The following RHOA variants were observed in gnomAD, a reference collection of about 807,000 sequenced individuals.
The protein encoded by RHOA is transforming protein RhoA.
A neutral mutation model predicts 17.5 loss-of-function variants in RHOA; 3 were observed. The observed-to-expected ratio is 0.17, with a 90% CI of 0.08 to 0.44. RHOA has a LOEUF of 0.44. Ranked by LOEUF, RHOA falls within the 20% of genes least tolerant of loss-of-function variation. The pLI is 0.99. For synonymous variants in RHOA, 98 were observed against 88.4 expected (o/e 1.11, Z -0.61); for missense variants, 56 against 242.3 (o/e 0.23, Z 5.10).
chr3:49,372,755 G>T (rs1575651158), intron 2 of RHOA, among the ~76,000 whole-genome samples: 1 of 144,960 alleles, frequency 6.9e-6, no homozygotes, highest in Non-Finnish European at 1.5e-5. Flanking sequence ...AAAAAAAAAG[G>T]ACTACAAACT....
intron 1 of RHOA, among the ~76,000 whole-genome samples, chr3:49,390,164 T>C (rs1381180537): frequency 2.6e-5 from 4 of 151,388 alleles, no homozygotes; most frequent in Non-Finnish European, 5.9e-5. Context: ...AGATGGAGTC[T>C]CACTCTGTCA....
At chr3:49,393,035 G>A (rs1195740806) in intron 1 of RHOA, among the ~76,000 whole-genome samples, 2 of 151,980 alleles carry the variant, frequency 1.3e-5, no homozygotes, top group Non-Finnish European at 2.9e-5. Context: ...AAATTACCCA[G>A]GCATGGTGAG....
At chr3:49,366,466 G>T (rs114367810) in intron 3 of RHOA, 4 of 152,170 alleles carry the variant, frequency 2.6e-5, no homozygotes, top group Admixed American at 2.0e-4. Flanking sequence ...ACCCAGGCGT[G>T]GGGGCGTATG....
At chr3:49,408,963 T>G (rs2048886136) in intron 1 of RHOA, among the ~76,000 whole-genome samples, 2 of 151,916 alleles carry the variant, frequency 1.3e-5, no homozygotes, top group Non-Finnish European at 1.5e-5. Context: ...CAGCTAATTT[T>G]TTTTGTATTT....
chr3:49,380,674 AAATAATAATAATAATAATAAT>A lies in RHOA; in HGVS notation c.-2-5104_-2-5084del, dbSNP rs199906304. ...TGGGTGACAGAGACTCTTGTCTCAA[AAATAATAATAATAATAATAAT>A]AATAATAATAATAATAATAATAATA... On this transcript the variant is annotated intron_variant, in intron 1 of 4. Coordinates refer to ENST00000418115, the MANE Select transcript of RHOA (RefSeq NM_001664.4). Among the ~76,000 whole-genome samples the A allele has an allele frequency of 2.2e-3, 307 of 137,538 alleles. 3 individuals carry two copies. The highest frequency in any genetic ancestry group is 7.3e-3 in the African/African-American group (274 of 37,340). 90.2% of individuals were successfully genotyped at this position (137,538 alleles called of 152,430 possible). A position where few individuals can be genotyped will look rare whatever the true frequency, so the allele number is the denominator to read the frequency against.
intron 1 of RHOA, among the ~76,000 whole-genome samples, chr3:49,399,949 G>A (rs939792324): frequency 1.3e-5 from 2 of 152,080 alleles, no homozygotes; most frequent in Non-Finnish European, 2.9e-5. Context: ...GGCTGGGCAC[G>A]GTGGCTCACG....
intron 2 of RHOA, among the ~76,000 whole-genome samples, chr3:49,372,517 G>A (rs1264293668): frequency 2.0e-5 from 3 of 152,184 alleles, no homozygotes; most frequent in Non-Finnish European, 2.9e-5. Flanking sequence ...GGCAGATCAC[G>A]AGGTCAGGAG....
chr3:49,370,036 T>C (rs187766206), intron 2 of RHOA, among the ~76,000 whole-genome samples: 4 of 151,004 alleles, frequency 2.6e-5, no homozygotes, highest in Admixed American at 2.0e-4. Context: ...TGAGCTGAGA[T>C]TGCACCACTG....
At chr3:49,411,012 CG>C (rs1179727807) in intron 1 of RHOA, among the ~76,000 whole-genome samples, 1 of 152,180 alleles carries the variant, frequency 6.6e-6, no homozygotes, top group African/African-American at 2.4e-5. Context: ...GAAGACGACC[CG>C]TAACTGTAGA....
At chr3:49,367,574 T>C (rs868056929) in intron 3 of RHOA, among the ~76,000 whole-genome samples, 2 of 151,942 alleles carry the variant, frequency 1.3e-5, no homozygotes, top group Non-Finnish European at 2.9e-5. Flanking sequence ...GAGTCTGCAG[T>C]ACAGTGGCAT....
At position 49,394,548 on chromosome 3, in the gene RHOA, A is replaced by G. The variant is rs556575394; in HGVS notation, c.-3+17272T>C. 5.3e-5 allele frequency among the ~76,000 whole-genome samples: 8 copies of G among 151,290 alleles called. 1 individual carries two copies. The highest frequency in any genetic ancestry group is 1.9e-4 in the African/African-American group (8 of 41,262). The stretch of plus-strand genomic sequence containing the variant: ...GTAATTTTAGTAGAGATGGGGTTTG[A>G]CCATATTGGCCAAACTGGTCTCAAA... On this transcript the variant is annotated intron_variant, in intron 1 of 4. Coordinates refer to ENST00000418115, the MANE Select transcript of RHOA (RefSeq NM_001664.4).
chr3:49,387,158 A>C (rs1470855234), intron 1 of RHOA, among the ~76,000 whole-genome samples: 1 of 93,796 alleles, frequency 1.1e-5, no homozygotes, highest in South Asian at 3.6e-4. Flanking sequence ...AAAAAAAAAA[A>C]AACAGGCCGG....
intron 1 of RHOA, among the ~76,000 whole-genome samples, chr3:49,386,214 G>A (rs977352701): frequency 2.7e-5 from 4 of 148,306 alleles, no homozygotes; most frequent in South Asian, 2.2e-4. Context: ...GAACATGGAC[G>A]CCTTTCCATT....
chr3:49,367,203 C>T (rs533334013), intron 3 of RHOA, among the ~76,000 whole-genome samples: 88 of 151,608 alleles, frequency 5.8e-4, no homozygotes, highest in Middle Eastern at 3.4e-3. Context: ...ATTAGCCGGG[C>T]GTGGTGGTGG....
intron 1 of RHOA, chr3:49,406,585 A>G (rs1159710093): frequency 6.6e-6 from 1 of 152,184 alleles, no homozygotes; most frequent in Non-Finnish European, 1.5e-5. Context: ...CCTGGCCGAC[A>G]TGGTAAAATT....
intron 1 of RHOA, among the ~76,000 whole-genome samples, chr3:49,403,592 T>C (rs1473913903): frequency 6.6e-6 from 1 of 151,668 alleles, no homozygotes; most frequent in Admixed American, 6.6e-5. Flanking sequence ...CCAGGCGTGG[T>C]GGTGCACACC....
In RHOA at chr3:49,394,589, G is replaced by C. The variant is rs114901709; in HGVS notation, c.-3+17231C>G. 6.3e-3 allele frequency among the ~76,000 whole-genome samples: 962 copies of C among 151,952 alleles called. 15 individuals carry two copies. The highest frequency in any genetic ancestry group is 0.021 in the African/African-American group (891 of 41,464). ...TGGTCTCAAACTCTTCACCTCAAGT[G>C]ATCTACCTGCCTCGGCCTCCCAAAA... On this transcript the variant is annotated intron_variant, in intron 1 of 4. Transcript: ENST00000418115.
intron 1 of RHOA, among the ~76,000 whole-genome samples, chr3:49,410,419 G>C (rs952903635): frequency 6.6e-6 from 1 of 152,132 alleles, no homozygotes; most frequent in Non-Finnish European, 1.5e-5. Context: ...ATTTTTATGA[G>C]AACAGAGAGG....
chr3:49,399,552 C>T (rs1006815292), intron 1 of RHOA, among the ~76,000 whole-genome samples: 3 of 151,418 alleles, frequency 2.0e-5, no homozygotes, highest in Admixed American at 6.6e-5. Flanking sequence ...TATGTATAGA[C>T]TGTCTCTAGA....
Sources: allele counts gnomAD v4.1 joint callset (sites outside exome capture counted in the v4.1 genomes callset), GRCh38; gene constraint gnomAD v4.1.1; transcripts MANE v1.5; gene names NCBI Gene and HGNC (gene_info 2026-07-23, HGNC 2026-07-21).